Variants in VEPH1 observed in about 807,000 individuals in gnomAD.
The protein encoded by VEPH1 is ventricular zone expressed PH domain containing 1.
A neutral mutation model predicts 85.2 loss-of-function variants in VEPH1; 80 were observed. That is an observed-to-expected ratio of 0.94 (90% CI 0.78 to 1.13). VEPH1 has a LOEUF of 1.13. Ranked by LOEUF, VEPH1 falls within the 50% of genes most tolerant of loss-of-function variation. The pLI, the probability that VEPH1 is intolerant of heterozygous loss-of-function variation, is 0.00. For missense variants in VEPH1, 955 were observed against 980.5 expected, an observed-to-expected ratio of 0.97 and a Z score of 0.35; for synonymous variants, 297 against 348.0, an observed-to-expected ratio of 0.85 and a Z score of 1.63.
chr3:157,329,922 G>T (rs1157857736), intron 9 of VEPH1, among the ~76,000 whole-genome samples: 2 of 152,202 alleles, frequency 1.3e-5, no homozygotes, highest in East Asian at 3.8e-4. Flanking sequence ...TAATTCAACA[G>T]AGGCTGTAGG....
chr3:157,283,440 G>A (rs776661055), intron 12 of VEPH1, among the ~76,000 whole-genome samples: 2 of 152,122 alleles, frequency 1.3e-5, no homozygotes, highest in African/African-American at 2.4e-5. Flanking sequence ...TCATGTCAGG[G>A]CCTCTACATT....
At chr3:157,272,296 CCCTTCCTCT>C (rs1714693081) in intron 12 of VEPH1, among the ~76,000 whole-genome samples, 1 of 112,582 alleles carries the variant, frequency 8.9e-6, no homozygotes, top group South Asian at 3.2e-4. Flanking sequence ...TTCCTTCCTT[CCCTTCCTCT>C]CTCTCTCTCT....
chr3:157,377,735 A>G, intron 7 of VEPH1, among the ~76,000 whole-genome samples: 1 of 152,042 alleles, frequency 6.6e-6, no homozygotes, highest in Non-Finnish European at 1.5e-5. Context: ...CATGATTGTA[A>G]GTTTCCTGAC....
chr3:157,305,833 A>C (rs1306707238), intron 11 of VEPH1, among the ~76,000 whole-genome samples: 1 of 152,202 alleles, frequency 6.6e-6, no homozygotes, highest in Non-Finnish European at 1.5e-5. Flanking sequence ...ATAAGGCTGA[A>C]TATCTTTTAC....
At chr3:157,497,062 CA>C (rs1406377542) in intron 1 of VEPH1, among the ~76,000 whole-genome samples, 3 of 152,092 alleles carry the variant, frequency 2.0e-5, no homozygotes, top group Non-Finnish European at 4.4e-5. Flanking sequence ...CATGCAGCTA[CA>C]AAACTGGAGA....
intron 6 of VEPH1, among the ~76,000 whole-genome samples, chr3:157,386,342 G>T (rs569568470): frequency 1.4e-5 from 2 of 145,012 alleles, no homozygotes; most frequent in Admixed American, 1.4e-4. Flanking sequence ...CTGAATTTCT[G>T]TATTTCAATC....
chr3:157,326,240 G>A (rs554127448), intron 9 of VEPH1, among the ~76,000 whole-genome samples: 10 of 152,270 alleles, frequency 6.6e-5, no homozygotes, highest in African/African-American at 1.7e-4. Flanking sequence ...CCATGTAACA[G>A]GGCTAACATT....
At chr3:157,292,067 G>A (rs982611479) in intron 11 of VEPH1, among the ~76,000 whole-genome samples, 2 of 152,066 alleles carry the variant, frequency 1.3e-5, no homozygotes, top group Non-Finnish European at 2.9e-5. Flanking sequence ...CATCAATATA[G>A]TATGTTGACT....
In VEPH1 at chr3:157,495,489, G is replaced by A. The variant is rs1739594675; in HGVS notation, c.-140C>T. The A allele has an allele frequency of 6.7e-7, 1 of 1,489,626 alleles. No homozygotes were observed. The highest frequency in any genetic ancestry group is 1.4e-5 in the South Asian group (1 of 70,672). The allele number at this position is 1,489,626 out of a possible 1,614,324, so 92.3% of individuals were successfully genotyped here. ...AAGGTCATTTTTCTCCAGACTTTGAGGTCTTCATTGACACTCTCTGCAAGG... is the reference window on the plus strand; with the variant it reads ...AAGGTCATTTTTCTCCAGACTTTGAAGTCTTCATTGACACTCTCTGCAAGG... On this transcript the variant is annotated 5_prime_UTR_variant, in exon 2 of 14. Coordinates refer to ENST00000362010, the MANE Select transcript of VEPH1 (RefSeq NM_001167912.2).
At chr3:157,447,061 T>A (rs915613601) in intron 4 of VEPH1, among the ~76,000 whole-genome samples, 1 of 152,224 alleles carries the variant, frequency 6.6e-6, no homozygotes, top group Non-Finnish European at 1.5e-5. Flanking sequence ...TAAAAAATGT[T>A]TTTCCAAGTT....
intron 12 of VEPH1, among the ~76,000 whole-genome samples, chr3:157,283,599 T>C (rs577413717): frequency 6.6e-6 from 1 of 152,292 alleles, no homozygotes; most frequent in East Asian, 1.9e-4. Flanking sequence ...AAGACAGGAA[T>C]GTATGTGAGT....
At chr3:157,380,017 C>T (rs1441422606) in intron 7 of VEPH1, among the ~76,000 whole-genome samples, 2 of 152,300 alleles carry the variant, frequency 1.3e-5, no homozygotes, top group African/African-American at 4.8e-5. Context: ...TCTCTCTATT[C>T]AAACCAGAGC....
intron 4 of VEPH1, among the ~76,000 whole-genome samples, chr3:157,458,178 T>C (rs1344851258): frequency 6.6e-6 from 1 of 152,184 alleles, no homozygotes; most frequent in Non-Finnish European, 1.5e-5. Context: ...TTCTGATGGT[T>C]GTTTGTATTT....
intron 2 of VEPH1, among the ~76,000 whole-genome samples, chr3:157,491,977 G>T (rs1401115961): frequency 2.0e-5 from 3 of 152,144 alleles, no homozygotes; most frequent in African/African-American, 7.2e-5. Context: ...TATTCCAAAG[G>T]AGGGTAAGCA....
intron 2 of VEPH1, chr3:157,489,157 C>A (rs747253284): frequency 2.2e-6 from 1 of 456,510 alleles, no homozygotes; most frequent in South Asian, 1.5e-5. Flanking sequence ...TGCCTTTCCA[C>A]AGACTGTTCC....
chr3:157,456,071 C>T (rs1033399673), intron 4 of VEPH1, among the ~76,000 whole-genome samples: 3 of 152,072 alleles, frequency 2.0e-5, no homozygotes, highest in African/African-American at 7.2e-5. Flanking sequence ...TAATAATACA[C>T]TGTTGTGAGA....
At chr3:157,362,666 A>C (rs1726181456) in intron 9 of VEPH1, among the ~76,000 whole-genome samples, 1 of 152,162 alleles carries the variant, frequency 6.6e-6, no homozygotes, top group Admixed American at 6.5e-5. Flanking sequence ...ATTACATGAG[A>C]TATTCAACAG....
intron 5 of VEPH1, among the ~76,000 whole-genome samples, chr3:157,426,553 G>T (rs1732769156): frequency 1.3e-5 from 2 of 152,120 alleles, no homozygotes; most frequent in Non-Finnish European, 2.9e-5. Context: ...TGTGGTTTGG[G>T]TGTTCTATTA....
In VEPH1 at chr3:157,461,081, GA is replaced by G. The variant is rs200866747; in HGVS notation, c.355-727del. On this transcript the variant is annotated intron_variant, in intron 3 of 13. Coordinates refer to ENST00000362010, the MANE Select transcript of VEPH1 (RefSeq NM_001167912.2). ...AAGTTTCAGCTAATTAGATTCAGAGGAAAAAAAATAAATGAATGTAAGATTA... is the reference window on the plus strand; with the variant it reads ...AAGTTTCAGCTAATTAGATTCAGAGGAAAAAAATAAATGAATGTAAGATTA... Among the ~76,000 whole-genome samples, 8 of 151,484 alleles carry G rather than the reference GA, an allele frequency of 5.3e-5. No individual in the cohort carries two copies. The South Asian group carries it at 6.3e-4, about 12-fold the overall frequency.
Sources: gnomAD v4.1 joint callset for allele counts (sites outside exome capture counted in the v4.1 genomes callset) on GRCh38, gnomAD v4.1.1 for gene constraint, MANE v1.5 for transcripts, NCBI Gene and HGNC (gene_info 2026-07-23, HGNC 2026-07-21) for gene names.